KLHL2: variants seen among roughly 807,000 people sequenced by gnomAD.
KLHL2 encodes kelch-like protein 2.
In KLHL2, 15 loss-of-function variants were observed where a neutral mutation model predicts 75.8. That is an observed-to-expected ratio of 0.20 (90% CI 0.13 to 0.30). KLHL2 has a LOEUF of 0.30. Ranked by LOEUF, KLHL2 falls within the 10% of genes least tolerant of loss-of-function variation. KLHL2 has a pLI of 1.00. For missense variants in KLHL2, 381 were observed against 741.0 expected, an observed-to-expected ratio of 0.51 and a Z score of 5.64; for synonymous variants, 214 against 251.9, an observed-to-expected ratio of 0.85 and a Z score of 1.42.
At position 165,207,784 on chromosome 4, in the gene KLHL2, G is replaced by T; in HGVS notation, c.-93G>T. ...GCCCCCTCCGGGGCGGATGGAACGC[G>T]GCTCGGCGGGCGGGCAGTGCCGGCG... On this transcript the variant is annotated 5_prime_UTR_variant, in exon 1 of 15. Coordinates refer to ENST00000226725, the MANE Select transcript of KLHL2 (RefSeq NM_007246.4). This position sits in a 1 kb window ranked among gnomAD's most constrained non-coding sequence, Gnocchi z 4.2. 8.6e-7 allele frequency: 1 copy of T among 1,168,512 alleles called. No homozygotes were observed. The highest frequency in any genetic ancestry group is 1.2e-6 in the Non-Finnish European group (1 of 869,472). The allele number at this position is 1,168,512 out of a possible 1,614,324, so 72.4% of individuals were successfully genotyped here.
At chr4:165,310,193 C>T (rs973867994) in intron 9 of KLHL2, among the ~76,000 whole-genome samples, 17 of 152,026 alleles carry the variant, frequency 1.1e-4, no homozygotes, top group East Asian at 7.7e-4. Context: ...GGTGTGGTGG[C>T]GGGCGCCTGT....
intron 2 of KLHL2, among the ~76,000 whole-genome samples, chr4:165,226,098 T>C (rs1317153227): frequency 1.3e-5 from 2 of 152,146 alleles, no homozygotes; most frequent in Non-Finnish European, 2.9e-5. Context: ...ACTAAAGCAC[T>C]AGGAAGGATT....
At chr4:165,313,498 G>A (rs917830902) in intron 12 of KLHL2, 132 bp downstream of exon 12, 20 of 758,362 alleles carry the variant, frequency 2.6e-5, no homozygotes, top group Non-Finnish European at 3.6e-5. Context: ...ACTGCTAAAT[G>A]TCTTTTGAAT....
At position 165,277,785 on chromosome 4, in the gene KLHL2, A is replaced by ACACACACC. The variant is rs1204584506; in HGVS notation, c.544+14427_544+14428insACACACCC. The ACACACACC allele has an allele frequency of 2.4e-3, 1,465 of 602,708 alleles. 11 individuals carry two copies. The highest frequency in any genetic ancestry group is 0.022 in the African/African-American group (1,160 of 52,454). The allele number at this position is 602,708 out of a possible 1,614,324, so 37.3% of individuals were successfully genotyped here. A position where few individuals can be genotyped will look rare whatever the true frequency, so the allele number is the denominator to read the frequency against. ...CACACACACACACACACACACACACACCAAATATTTCTATAGCATTCTTTT... is the reference window on the plus strand; with the variant it reads ...CACACACACACACACACACACACACACACACACCCCAAATATTTCTATAGCATTCTTTT... On this transcript the variant is annotated intron_variant, in intron 5 of 14. Coordinates refer to ENST00000226725, the MANE Select transcript of KLHL2 (RefSeq NM_007246.4).
chr4:165,221,467 C>T (rs1737985854), intron 2 of KLHL2, among the ~76,000 whole-genome samples: 1 of 152,146 alleles, frequency 6.6e-6, no homozygotes, highest in South Asian at 2.1e-4. Flanking sequence ...TAGGAAGGAG[C>T]TGGCCTCATC....
intron 5 of KLHL2, chr4:165,278,738 G>T: frequency 1.3e-6 from 2 of 1,588,512 alleles, no homozygotes; most frequent in Non-Finnish European, 1.7e-6. Flanking sequence ...GTAAGCCACT[G>T]TGGTGAGAAG....
rs1447246860 is a variant in KLHL2, at chr4:165,207,766, C to G, written c.-111C>G. 2.1e-6 allele frequency: 2 copies of G among 971,530 alleles called. No homozygotes were observed. Among genetic ancestry groups the G allele is most frequent in the Admixed American group, 5.7e-5 (2 of 35,218 alleles). The allele number at this position is 971,530 out of a possible 1,614,324, so 60.2% of individuals were successfully genotyped here. A position where few individuals can be genotyped will look rare whatever the true frequency, so the allele number is the denominator to read the frequency against. ...CGGTGAGGAGAGCGCGGCGCCCCCT[C>G]CGGGGCGGATGGAACGCGGCTCGGC... is the stretch of plus-strand genomic sequence containing the variant. On this transcript the variant is annotated 5_prime_UTR_variant, in exon 1 of 15. Transcript: ENST00000226725. The surrounding 1 kb of genome is among the most constrained non-coding windows in gnomAD (Gnocchi z 4.2).
chr4:165,267,076 T>C (rs1298766698), intron 5 of KLHL2, among the ~76,000 whole-genome samples: 2 of 152,190 alleles, frequency 1.3e-5, no homozygotes, highest in African/African-American at 4.8e-5. Flanking sequence ...TATTCTCTTT[T>C]TAGCAATTGT....
At chr4:165,238,975 T>G in intron 4 of KLHL2, 76 bp downstream of exon 4, 1 of 1,508,060 alleles carries the variant, frequency 6.6e-7, no homozygotes, top group Non-Finnish European at 8.8e-7. Flanking sequence ...ACCCACACAG[T>G]ATACAATTTG....
At chr4:165,210,468 C>T (rs951553042) in intron 1 of KLHL2, among the ~76,000 whole-genome samples, 1 of 152,146 alleles carries the variant, frequency 6.6e-6, no homozygotes, top group Non-Finnish European at 1.5e-5. Context: ...TTTTAATTCT[C>T]ATATAATTAA....
intron 4 of KLHL2, among the ~76,000 whole-genome samples, chr4:165,258,705 T>G (rs1364644220): frequency 6.6e-6 from 1 of 152,248 alleles, no homozygotes; most frequent in Non-Finnish European, 1.5e-5. Context: ...TGCTAGGTGT[T>G]TCTCACATTT....
At chr4:165,269,143 T>C (rs182661708) in intron 5 of KLHL2, among the ~76,000 whole-genome samples, 103 of 152,312 alleles carry the variant, frequency 6.8e-4, no homozygotes, top group Middle Eastern at 3.4e-3. Context: ...CCCTGCTTTT[T>C]TTTTGTTTTC....
intron 5 of KLHL2, among the ~76,000 whole-genome samples, chr4:165,293,540 T>C (rs2126487931): frequency 6.6e-6 from 1 of 151,712 alleles, no homozygotes; most frequent in Admixed American, 6.6e-5. Context: ...GCTCTGTCTG[T>C]CATCCAGGCT....
At chr4:165,249,897 G>A (rs1411442040) in intron 4 of KLHL2, among the ~76,000 whole-genome samples, 1 of 152,196 alleles carries the variant, frequency 6.6e-6, no homozygotes, top group Non-Finnish European at 1.5e-5. Flanking sequence ...GGCCGAGGCA[G>A]GTGGATCATG....
At chr4:165,304,401 A>G (rs935395084) in intron 8 of KLHL2, among the ~76,000 whole-genome samples, 2 of 152,052 alleles carry the variant, frequency 1.3e-5, no homozygotes, top group Non-Finnish European at 2.9e-5. Context: ...CAAGGCTGCA[A>G]ATCTCCTCTT....
chr4:165,217,309 G>C (rs540129602), intron 1 of KLHL2, among the ~76,000 whole-genome samples: 1 of 152,194 alleles, frequency 6.6e-6, no homozygotes, highest in South Asian at 2.1e-4. Context: ...GTTTCTTACT[G>C]TTTCCTTTAC....
intron 1 of KLHL2, chr4:165,209,881 G>A: frequency 1.7e-6 from 1 of 581,252 alleles, no homozygotes; most frequent in East Asian, 3.0e-5. Flanking sequence ...CCATTCTGTG[G>A]ATCAGAAATA....
intron 4 of KLHL2, among the ~76,000 whole-genome samples, chr4:165,249,391 A>G (rs1240090218): frequency 2.6e-5 from 4 of 152,220 alleles, no homozygotes; most frequent in Non-Finnish European, 5.9e-5. Flanking sequence ...CATCATTCTC[A>G]GGACCTAGAT....
intron 5 of KLHL2, among the ~76,000 whole-genome samples, chr4:165,274,551 G>A (rs1742928951): frequency 6.6e-6 from 1 of 151,250 alleles, no homozygotes; most frequent in African/African-American, 2.4e-5. Flanking sequence ...GGAGCTTGCA[G>A]TGAGCAGAGA....
Sources: allele counts gnomAD v4.1 joint callset (sites outside exome capture counted in the v4.1 genomes callset), GRCh38; gene constraint gnomAD v4.1.1; non-coding constraint Gnocchi (gnomAD v3.1); transcripts MANE v1.5; gene names NCBI Gene and HGNC (gene_info 2026-07-23, HGNC 2026-07-21).